Variants in KRT17 observed in about 807,000 individuals in gnomAD.
KRT17 encodes the protein keratin, type I cytoskeletal 17.
KRT17 carries 29 observed loss-of-function variants against 45.6 expected under a neutral mutation model. That is an observed-to-expected ratio of 0.64 (90% CI 0.47 to 0.87). The LOEUF is 0.87. Among genes scored for constraint, KRT17 ranks in the 40% least tolerant of loss-of-function variants. The pLI is 0.00. For missense variants in KRT17, 536 were observed against 577.8 expected (o/e 0.93, Z 0.74); for synonymous variants, 219 against 234.6 (o/e 0.93, Z 0.61).
chr17:41,620,999 G>A lies in KRT17; in HGVS notation c.927C>T (p.Ala309=). The change falls in exon 5 of 8, where the codon GCC becomes GCT. Residue 309 remains alanine (A), a synonymous_variant. Transcript: ENST00000311208. ...GCTGGGACTGCAGCTCTATCTCCAAGGCCTGCATGGTGCGCCGGAGCTCCG... is the reference window on the plus strand; with the variant it reads ...GCTGGGACTGCAGCTCTATCTCCAAAGCCTGCATGGTGCGCCGGAGCTCCG... The part of the protein sequence containing the change: ...EISELRRTMQ[A]LEIELQSQLS... 1 of 1,613,882 alleles carries A rather than the reference G, an allele frequency of 6.2e-7. No homozygotes were observed. The highest frequency in any genetic ancestry group is 8.5e-7 in the Non-Finnish European group (1 of 1,179,946).
intron 5 of KRT17, 42 bp from the exon 6 acceptor site, chr17:41,620,921 A>C (rs1908515426): frequency 6.2e-7 from 1 of 1,613,908 alleles, no homozygotes; most frequent in Admixed American, 1.7e-5. Flanking sequence ...GAGGATGGTC[A>C]ATGCCCTCTT....
Position 41,622,348 on chromosome 17 carries a change from A to G in KRT17, c.672+7T>C. ...GCATCTTTGACCTTCTGCCCCAGCC[A>G]CCTCACCTCCTCGTGGTTCTTCTTC... On this transcript the variant is annotated splice_region_variant and intron_variant, in intron 3 of 7. Coordinates refer to ENST00000311208, the MANE Select transcript of KRT17 (RefSeq NM_000422.3). 4 of 1,612,834 alleles carry G rather than the reference A, an allele frequency of 2.5e-6. No individual in the cohort carries two copies. The highest frequency in any genetic ancestry group is 3.4e-6 in the Non-Finnish European group (4 of 1,179,866).
chr17:41,619,966 T>C (rs1908482480), intron 7 of KRT17: 1 of 985,402 alleles, frequency 1.0e-6, no homozygotes, highest in Non-Finnish European at 1.2e-6. Flanking sequence ...GGAGGAGCCA[T>C]GTAGACTCCA....
rs1281369645 is a variant in KRT17, at chr17:41,624,081, G to C, written c.429C>G (p.Asn143Lys). 1 of 1,612,076 alleles carries C rather than the reference G, an allele frequency of 6.2e-7. No homozygotes were observed. Among genetic ancestry groups the C allele is most frequent in the Non-Finnish European group, 8.5e-7 (1 of 1,179,888 alleles). Residue 143 changes from asparagine (N) to lysine (K), a missense_variant, in exon 1 of 8, where the codon AAC becomes AAG. Coordinates refer to ENST00000311208, the MANE Select transcript of KRT17 (RefSeq NM_000422.3). ...CCCTCCCACCAGCAGGCCCTACCTT[G>C]TTCTGCAGCTCCTCAATTGTCCTGT... ...QYYRTIEELQ[N>K]KILTATVDNA...
At chr17:41,620,207 C>A in intron 7 of KRT17, 1 of 985,388 alleles carries the variant, frequency 1.0e-6, no homozygotes, top group Non-Finnish European at 1.2e-6. Context: ...TTTTGCTCAT[C>A]CAAAAGCTGT....
At chr17:41,624,053 G>A (rs748976363) in intron 1 of KRT17, 25 bp downstream of exon 1, 35 of 1,611,784 alleles carry the variant, frequency 2.2e-5, no homozygotes, top group Admixed American at 3.3e-5. Context: ...GCCCCCCGGA[G>A]ACCCCTCCCA....
At chr17:41,621,531 C>A in intron 4 of KRT17, 62 bp downstream of exon 4, 2 of 1,601,608 alleles carry the variant, frequency 1.2e-6, no homozygotes, top group Non-Finnish European at 1.7e-6. Context: ...GGCTTACTGT[C>A]AGTGCTAAGG....
intron 7 of KRT17, 76 bp downstream of exon 7, chr17:41,620,460 C>T: frequency 6.2e-7 from 1 of 1,611,600 alleles, no homozygotes; most frequent in South Asian, 1.1e-5. Flanking sequence ...CCTGGGGACC[C>T]TGCCCCAGCA....
In KRT17 at chr17:41,619,582, G is replaced by T. The variant is rs1256936182; in HGVS notation, c.*12C>A. 1.2e-6 allele frequency: 2 copies of T among 1,612,118 alleles called. No individual in the cohort carries two copies. The highest frequency in any genetic ancestry group is 1.7e-5 in the Admixed American group (1 of 60,034). ...CCTGCCTCCTGGGTGGCCGGCCGGG[G>T]TAGCTGAGTCCTCAGCGGGTGGTCT... On this transcript the variant is annotated 3_prime_UTR_variant, in exon 8 of 8. Transcript: ENST00000311208.
In KRT17 at chr17:41,621,658, G is replaced by T; in HGVS notation, c.769C>A (p.Arg257Ser). The change falls in exon 4 of 8, where the codon CGT becomes AGT. Residue 257 changes from arginine to serine, a missense_variant. Transcript: ENST00000311208. ...TCTGCCATCTTCTCATACTGGTCACGCATCTCGTTGAGGATGCGGCTCAGG... is the reference window on the plus strand; with the variant it reads ...TCTGCCATCTTCTCATACTGGTCACTCATCTCGTTGAGGATGCGGCTCAGG... Reference protein sequence around the residue: ...VDLSRILNEMRDQYEKMAEKN... With the variant: ...VDLSRILNEMSDQYEKMAEKN... 3.7e-6 allele frequency: 6 copies of T among 1,612,172 alleles called. No homozygotes were observed. Among genetic ancestry groups the T allele is most frequent in the Non-Finnish European group, 5.1e-6 (6 of 1,179,858 alleles).
At chr17:41,620,944 C>G (rs368790915) in intron 5 of KRT17, 22 bp downstream of exon 5, 1 of 1,614,140 alleles carries the variant, frequency 6.2e-7, no homozygotes, top group Admixed American at 1.7e-5. Context: ...GGGCCCTCCC[C>G]CATGCACAGG....
In KRT17 at chr17:41,621,156, C is replaced by T. The variant is rs1908529015; in HGVS notation, c.835-65G>A. The T allele has an allele frequency of 1.3e-5, 20 of 1,598,142 alleles. No homozygotes were observed. The South Asian group carries it at 2.1e-4, about 17-fold the overall frequency. ...TCCCTCTCCCAAGTCAGGCCTCCTC[C>T]CAAATCTAACTGTGGAGAGAGTGTG... On this transcript the variant is annotated intron_variant, in intron 4 of 7. Transcript: ENST00000311208.
At chr17:41,621,443 A>T (rs538845800) in intron 4 of KRT17, 150 bp downstream of exon 4, 14 of 928,076 alleles carry the variant, frequency 1.5e-5, no homozygotes, top group Non-Finnish European at 2.2e-5. Flanking sequence ...GCTCAGCTCC[A>T]TGTCTGTTGA....
chr17:41,623,821 G>A (rs117454915), intron 1 of KRT17, among the ~76,000 whole-genome samples: 7 of 152,282 alleles, frequency 4.6e-5, no homozygotes, highest in South Asian at 2.1e-4. Context: ...TCCAGGTGGC[G>A]GAGCTCCACG....
In KRT17 at chr17:41,622,650, A is replaced by C. The variant is rs1197951988; in HGVS notation, c.516-139T>G. The C allele has an allele frequency of 2.8e-6, 3 of 1,052,846 alleles. No homozygotes were observed. In the East Asian group the frequency reaches 7.6e-5, roughly 27 times the overall value. 65.2% of individuals were successfully genotyped at this position (1,052,846 alleles called of 1,614,324 possible). ...AGAGGGTCGAGTGGAAACGAATTCC[A>C]GCCCCGGGACCCCGGGACCATCACA... On this transcript the variant is annotated intron_variant, in intron 2 of 7. Coordinates refer to ENST00000311208, the MANE Select transcript of KRT17 (RefSeq NM_000422.3).
chr17:41,622,652 C>G, intron 2 of KRT17, 141 bp from the exon 3 acceptor site: 1 of 947,190 alleles, frequency 1.1e-6, no homozygotes, highest in Non-Finnish European at 1.7e-6. Flanking sequence ...CGAATTCCAG[C>G]CCCGGGACCC....
At chr17:41,622,042 CTTT>C in intron 3 of KRT17, 1 of 596,326 alleles carries the variant, frequency 1.7e-6, no homozygotes, top group Non-Finnish European at 3.0e-6. Context: ...AGATGTTCAG[CTTT>C]GAGAGTTTGA....
In KRT17 at chr17:41,622,263, C is replaced by G. The variant is rs573969689; in HGVS notation, c.672+92G>C. ...GGTGACTAATCCCGGTGCACCTGCT[C>G]TGCTCTCTCCCACGGCCTCAGCCAT... On this transcript the variant is annotated intron_variant, in intron 3 of 7. Coordinates refer to ENST00000311208, the MANE Select transcript of KRT17 (RefSeq NM_000422.3). 4.0e-3 allele frequency: 6,140 copies of G among 1,532,178 alleles called. 18 individuals carry two copies. Among genetic ancestry groups the G allele is most frequent in the Non-Finnish European group, 5.3e-3 (5,813 of 1,107,194 alleles). 94.9% of individuals were successfully genotyped at this position (1,532,178 alleles called of 1,614,324 possible). A position where few individuals can be genotyped will look rare whatever the true frequency, so the allele number is the denominator to read the frequency against.
chr17:41,621,683 G>C lies in KRT17; in HGVS notation c.744C>G (p.Asp248Glu), dbSNP rs759164750. The C allele has an allele frequency of 2.5e-6, 4 of 1,612,122 alleles. No individual in the cohort carries two copies. In the Admixed American group the frequency reaches 5.0e-5, roughly 20 times the overall value. ...NVEMDAAPGVDLSRILNEMRD... is the reference protein window; with the variant it reads ...NVEMDAAPGVELSRILNEMRD... ...GCATCTCGTTGAGGATGCGGCTCAG[G>C]TCCACGCCTGGGGCAGCGTCCATCT... Residue 248 changes from aspartate to glutamate, a missense_variant, in exon 4 of 8, where the codon GAC becomes GAG. Asp to Glu is a conservative substitution (Grantham distance 45). Coordinates refer to ENST00000311208, the MANE Select transcript of KRT17 (RefSeq NM_000422.3).
Sources: gnomAD v4.1 joint callset for allele counts (sites outside exome capture counted in the v4.1 genomes callset) on GRCh38, gnomAD v4.1.1 for gene constraint, MANE v1.5 for transcripts, NCBI Gene and HGNC (gene_info 2026-07-23, HGNC 2026-07-21) for gene names.